The following FHOD1 variants were observed in gnomAD, a reference collection of about 807,000 sequenced individuals.
FHOD1 encodes formin homology 2 domain containing 1.
In FHOD1, 89 loss-of-function variants were observed where a neutral mutation model predicts 111.6. The observed-to-expected ratio is 0.80, with a 90% CI of 0.67 to 0.95. FHOD1 has a LOEUF of 0.95. Among genes scored for constraint, FHOD1 ranks in the 40% least tolerant of loss-of-function variants. The pLI, the probability that FHOD1 is intolerant of heterozygous loss-of-function variation, is 0.00. For missense variants in FHOD1, 1,446 were observed against 1,554.2 expected (o/e 0.93, Z 1.17); for synonymous variants, 618 against 639.0 (o/e 0.97, Z 0.50).
chr16:67,241,523 C>G (rs2034667819), intron 1 of FHOD1, among the ~76,000 whole-genome samples: 1 of 152,228 alleles, frequency 6.6e-6, no homozygotes, highest in Non-Finnish European at 1.5e-5. Context: ...TCGAATCACA[C>G]ACATATAGAA....
In FHOD1 at chr16:67,232,125, C is replaced by T. The variant is rs372426679; in HGVS notation, c.2116G>A (p.Gly706Ser). The part of the protein sequence containing the change: ...DPKRSNAINI[G>S]LTTLPPVHVI... ...TGCACAGGTGGCAGTGTGGTTAGGC[C>T]GATGTTGATGGCGTTGCTGCGCTTG... Residue 706 changes from glycine to serine, a missense_variant, in exon 14 of 22, where the codon GGC (glycine) becomes AGC (serine). Gly to Ser is a moderately conservative substitution (Grantham distance 56). This residue lies in a region of FHOD1 where 1,085 missense variants were observed against 1,108.8 expected (regional missense o/e 0.98). Transcript: ENST00000258201. The T allele has an allele frequency of 6.2e-6, 10 of 1,614,064 alleles. No homozygotes were observed. Among genetic ancestry groups the T allele is most frequent in the African/African-American group, 5.3e-5 (4 of 74,912 alleles).
chr16:67,244,210 C>T (rs945852339), intron 1 of FHOD1, among the ~76,000 whole-genome samples: 1 of 152,152 alleles, frequency 6.6e-6, no homozygotes, highest in African/African-American at 2.4e-5. Context: ...TCCCCCTACC[C>T]GGAGCTCAGG....
Position 67,239,414 on chromosome 16 carries a change from T to C in FHOD1, c.242A>G (p.Tyr81Cys), listed in dbSNP as rs769945366. ...TTCCAGGGACAGCTCGGTGTCCAGGTAGTATCCGGAGGGAGACACTTGCAG... is the reference window on the plus strand; with the variant it reads ...TTCCAGGGACAGCTCGGTGTCCAGGCAGTATCCGGAGGGAGACACTTGCAG... ...CALQVSPSGY[Y>C]LDTELSLEEQ... is the part of the protein sequence containing the mutation. Residue 81 changes from tyrosine to cysteine, a missense_variant, in exon 2 of 22, where the codon TAC becomes TGC. Tyr to Cys is a radical substitution (Grantham distance 194, BLOSUM62 -2). Coordinates refer to ENST00000258201, the MANE Select transcript of FHOD1 (RefSeq NM_013241.3). 9.3e-6 allele frequency: 15 copies of C among 1,613,986 alleles called. No individual in the cohort carries two copies. Among genetic ancestry groups the C allele is most frequent in the Non-Finnish European group, 1.2e-5 (14 of 1,180,018 alleles).
In FHOD1 at chr16:67,234,442, T is replaced by C. The variant is rs1311056249; in HGVS notation, c.1350A>G (p.Ala450=). ...KARFLENVAA[A]ETEKQVALAQ... ...CCAGCGCAACCTGCTTCTCTGTTTC[T>C]GCTGCCGCCACATTCTCCAGGAACC... is the stretch of plus-strand genomic sequence containing the variant. The change falls in exon 12 of 22, where the codon GCA becomes GCG. Residue 450 remains alanine, a synonymous_variant. Coordinates refer to ENST00000258201, the MANE Select transcript of FHOD1 (RefSeq NM_013241.3). The C allele has an allele frequency of 6.2e-7, 1 of 1,604,952 alleles. No individual in the cohort carries two copies. Among genetic ancestry groups the C allele is most frequent in the East Asian group, 2.2e-5 (1 of 44,586 alleles).
At chr16:67,234,294 G>A in intron 12 of FHOD1, 27 bp from the exon 13 acceptor site, 1 of 1,593,630 alleles carries the variant, frequency 6.3e-7, no homozygotes, top group Non-Finnish European at 8.6e-7. Flanking sequence ...AGCTGTCAGT[G>A]CCATGCCCCC....
rs754502928 is a variant in FHOD1 at position 67,230,026 on chromosome 16, G to A, written c.3215-36C>T. 33 of 1,612,948 alleles carry A rather than the reference G, an allele frequency of 2.0e-5. No individual in the cohort carries two copies. The South Asian group carries it at 3.0e-4, about 14-fold the overall frequency. On this transcript the variant is annotated intron_variant, in intron 20 of 21. Coordinates refer to ENST00000258201, the MANE Select transcript of FHOD1 (RefSeq NM_013241.3). ...CCAGATAGCAAAGTCAGGCCAAGGTGGCACTGGAGCCCATTCCCCACAGCT... is the reference window on the plus strand; with the variant it reads ...CCAGATAGCAAAGTCAGGCCAAGGTAGCACTGGAGCCCATTCCCCACAGCT...
In FHOD1 at chr16:67,230,626, T is replaced by C. The variant is rs976114086; in HGVS notation, c.2833A>G (p.Ile945Val). 7 of 1,613,914 alleles carry C rather than the reference T, an allele frequency of 4.3e-6. No homozygotes were observed. Among genetic ancestry groups the C allele is most frequent in the South Asian group, 1.1e-5 (1 of 91,082 alleles). The stretch of plus-strand genomic sequence containing the variant: ...CTATTGCAGACACGGCGGTGCACTA[T>C]CCTTAGCATGGCAACACGGCGGGCA... Reference protein sequence around the residue: ...QCARRVAMLRIVHRRVCNRFH... With the variant: ...QCARRVAMLRVVHRRVCNRFH... Residue 945 changes from isoleucine to valine, a missense_variant, in exon 18 of 22, where the codon ATA (isoleucine) becomes GTA (valine). This residue lies in a region of FHOD1 where 1,085 missense variants were observed against 1,108.8 expected (regional missense o/e 0.98). Transcript: ENST00000258201.
In FHOD1 at chr16:67,231,751, AG is replaced by A. The variant is rs773343512; in HGVS notation, c.2270del (p.Pro757LeufsTer12). The A allele has an allele frequency of 1.2e-6, 2 of 1,613,914 alleles. No individual in the cohort carries two copies. The highest frequency in any genetic ancestry group is 1.3e-5 in the African/African-American group (1 of 74,938). Reference protein sequence around the residue: ...QKIEEAQLANPDIPLGPAENF... With the variant: ...QKIEEAQLANXDIPLGPAENF... ...TCTCGGCTGGGCCCAGGGGTATGTC[AG>A]GGTTGGCCAGCTGGGCTTCCTCAAT... On this transcript the variant is annotated frameshift_variant, in exon 15 of 22. Transcript: ENST00000258201. LOFTEE classifies it high-confidence loss of function. This position sits in a 1 kb window ranked among gnomAD's most constrained non-coding sequence, Gnocchi z 4.3.
chr16:67,236,318 G>A (rs1304758135), intron 11 of FHOD1: 1 of 1,307,278 alleles, frequency 7.6e-7, no homozygotes. Context: ...ATGACAAGAG[G>A]CAAAGACAGG....
chr16:67,240,095 A>C (rs1388899698), intron 1 of FHOD1, among the ~76,000 whole-genome samples: 1 of 152,080 alleles, frequency 6.6e-6, no homozygotes, highest in Admixed American at 6.6e-5. Flanking sequence ...TGTCTCAGTG[A>C]GTAAGAGGGT....
intron 1 of FHOD1, among the ~76,000 whole-genome samples, chr16:67,243,596 C>T (rs2034726916): frequency 6.6e-6 from 1 of 152,136 alleles, no homozygotes; most frequent in Admixed American, 6.5e-5. Context: ...CGCATTGCCC[C>T]AGGGTGCACA....
chr16:67,245,921 T>C (rs2034804894), intron 1 of FHOD1, among the ~76,000 whole-genome samples: 2 of 152,190 alleles, frequency 1.3e-5, no homozygotes, highest in African/African-American at 4.8e-5. Flanking sequence ...GCCCCCATCC[T>C]GAATGGGAGG....
At chr16:67,234,600 C>A in intron 11 of FHOD1, 128 bp from the exon 12 acceptor site, 1 of 764,738 alleles carries the variant, frequency 1.3e-6, no homozygotes, top group Non-Finnish European at 2.2e-6. Flanking sequence ...AGTCCATGCG[C>A]TGAGCAGACC....
intron 1 of FHOD1, among the ~76,000 whole-genome samples, chr16:67,244,933 G>C (rs2034769136): frequency 6.6e-6 from 1 of 152,170 alleles, no homozygotes; most frequent in South Asian, 2.1e-4. Context: ...CCACTTATAG[G>C]ACTACGGGAG....
chr16:67,238,577 C>G lies in FHOD1; in HGVS notation c.374-130G>C. 1.1e-6 allele frequency: 1 copy of G among 907,494 alleles called. No individual in the cohort carries two copies. The highest frequency in any genetic ancestry group is 1.8e-6 in the Non-Finnish European group (1 of 570,732). 56.2% of individuals were successfully genotyped at this position (907,494 alleles called of 1,614,324 possible). A position where few individuals can be genotyped will look rare whatever the true frequency, so the allele number is the denominator to read the frequency against. ...TTTTGGTCTGAGAGACAGGGTCTCA[C>G]TCTGTCACTCAGGCTGGAGTGTGGA... is the stretch of plus-strand genomic sequence containing the variant. On this transcript the variant is annotated intron_variant, in intron 3 of 21. Coordinates refer to ENST00000258201, the MANE Select transcript of FHOD1 (RefSeq NM_013241.3). This position sits in a 1 kb window ranked among gnomAD's most constrained non-coding sequence, Gnocchi z 4.2.
Position 67,229,662 on chromosome 16 carries a change from T to C in FHOD1, c.3469A>G (p.Ser1157Gly), listed in dbSNP as rs750557765. 6.2e-7 allele frequency: 1 copy of C among 1,614,176 alleles called. No individual in the cohort carries two copies. The highest frequency in any genetic ancestry group is 8.5e-7 in the Non-Finnish European group (1 of 1,180,020). The part of the protein sequence containing the change: ...GDDLVQALGL[S>G]KGPGLEV ...CACACCTCCAGGCCAGGACCCTTGCTTAGTCCCAGTGCCTGCACCAGGTCA... is the reference window on the plus strand; with the variant it reads ...CACACCTCCAGGCCAGGACCCTTGCCTAGTCCCAGTGCCTGCACCAGGTCA... Residue 1157 changes from serine to glycine, a missense_variant, in exon 22 of 22, where the codon AGC (serine) becomes GGC (glycine). Transcript: ENST00000258201.
chr16:67,236,037 G>A, intron 11 of FHOD1: 2 of 984,732 alleles, frequency 2.0e-6, no homozygotes, highest in East Asian at 1.1e-4. Flanking sequence ...CTGCCCAGGA[G>A]GGGACTGGGG....
At chr16:67,232,810 C>G (rs2034329132) in intron 13 of FHOD1, among the ~76,000 whole-genome samples, 1 of 151,660 alleles carries the variant, frequency 6.6e-6, no homozygotes, top group South Asian at 2.1e-4. Flanking sequence ...ACCACCATAC[C>G]CAACTATTTT....
rs1472552139 is a variant in FHOD1, at chr16:67,237,389, G to A, written c.850-7C>T. 15 of 1,613,684 alleles carry A rather than the reference G, an allele frequency of 9.3e-6. No individual in the cohort carries two copies. The highest frequency in any genetic ancestry group is 5.5e-5 in the South Asian group (5 of 91,086). On this transcript the variant is annotated splice_polypyrimidine_tract_variant and splice_region_variant and intron_variant, in intron 8 of 21. Transcript: ENST00000258201. The surrounding 1 kb of genome is among the most constrained non-coding windows in gnomAD (Gnocchi z 5.6). ...CCGGGAGCGCCGCCAGCGTCTGGAG[G>A]GCGGGGATAAGAAGGCAAGGCTGAG...
Sources: gnomAD v4.1 joint callset for allele counts (sites outside exome capture counted in the v4.1 genomes callset) on GRCh38, gnomAD v4.1.1 for gene constraint, gnomAD v4.1.1 regional missense constraint, Gnocchi (gnomAD v3.1) non-coding constraint, MANE v1.5 for transcripts, NCBI Gene and HGNC (gene_info 2026-07-23, HGNC 2026-07-21) for gene names.